Variants in PRKCB observed in about 807,000 individuals in gnomAD.
The protein encoded by PRKCB is protein kinase C beta type.
A neutral mutation model predicts 81.5 loss-of-function variants in PRKCB; 13 were observed. The ratio of observed to expected loss-of-function variants is 0.16; its 90% CI spans 0.10 to 0.25. The LOEUF (loss-of-function observed/expected upper bound fraction) is 0.25, where lower values mean the gene tolerates loss of function less well. Among genes scored for constraint, PRKCB ranks in the 10% least tolerant of loss-of-function variants. The pLI is 1.00. For missense variants in PRKCB, 509 were observed against 875.7 expected (o/e 0.58, Z 5.29); for synonymous variants, 335 against 321.4 (o/e 1.04, Z -0.45).
chr16:24,178,793 C>A (rs937336087), intron 12 of PRKCB, among the ~76,000 whole-genome samples: 1 of 152,154 alleles, frequency 6.6e-6, no homozygotes, highest in Non-Finnish European at 1.5e-5. Context: ...CCCACAGACA[C>A]AGATAGGAGA....
At chr16:23,865,407 A>T (rs1422749554) in intron 2 of PRKCB, among the ~76,000 whole-genome samples, 1 of 135,522 alleles carries the variant, frequency 7.4e-6, no homozygotes, top group Non-Finnish European at 1.6e-5. Flanking sequence ...GGCTCAGGTG[A>T]TCCTCCCACC....
At chr16:23,888,750 C>T (rs368085122) in intron 2 of PRKCB, among the ~76,000 whole-genome samples, 44 of 152,278 alleles carry the variant, frequency 2.9e-4, no homozygotes, top group African/African-American at 9.9e-4. Context: ...ATCCCTTCCT[C>T]ATCTGCCAGG....
intron 4 of PRKCB, 34 bp from the exon 5 acceptor site, chr16:24,035,385 G>T: frequency 2.5e-6 from 4 of 1,608,464 alleles, no homozygotes; most frequent in East Asian, 2.2e-5. Flanking sequence ...GCCTGGGCCA[G>T]CCTAAGCCAC....
Position 24,005,032 on chromosome 16 carries a change from A to G in PRKCB, c.288+16442A>G, listed in dbSNP as rs375802825. Among the ~76,000 whole-genome samples, 17 of 152,322 alleles carry G rather than the reference A, an allele frequency of 1.1e-4. No individual in the cohort carries two copies. The East Asian group carries it at 3.3e-3, about 29-fold the overall frequency. On this transcript the variant is annotated intron_variant, in intron 3 of 16. Transcript: ENST00000643927. ...ATGCTGGCCAGTGATTCAGTGTCAC[A>G]GTGTCTGGGGATAAGGGGAATGTTC...
intron 2 of PRKCB, among the ~76,000 whole-genome samples, chr16:23,936,850 A>G (rs563353885): frequency 1.3e-5 from 2 of 152,266 alleles, no homozygotes; most frequent in East Asian, 1.9e-4. Context: ...AGTGTGGCCA[A>G]TGCATCACTT....
At chr16:23,853,080 G>A (rs1457008235) in intron 2 of PRKCB, among the ~76,000 whole-genome samples, 1 of 152,204 alleles carries the variant, frequency 6.6e-6, no homozygotes, top group Admixed American at 6.5e-5. Flanking sequence ...GTTCAACAAG[G>A]AAGCCAGGGC....
chr16:24,213,577 A>G (rs1224510299), intron 16 of PRKCB, among the ~76,000 whole-genome samples: 6 of 152,246 alleles, frequency 3.9e-5, no homozygotes, highest in Admixed American at 3.9e-4. Context: ...GTATATAGCA[A>G]ATGCATAATA....
At chr16:24,077,026 G>T (rs1469418075) in intron 5 of PRKCB, among the ~76,000 whole-genome samples, 2 of 152,174 alleles carry the variant, frequency 1.3e-5, no homozygotes, top group Non-Finnish European at 2.9e-5. Flanking sequence ...GCTCCCCTGG[G>T]ATCCTCCTTG....
chr16:23,993,211 T>C (rs1964911605), intron 3 of PRKCB, among the ~76,000 whole-genome samples: 1 of 152,130 alleles, frequency 6.6e-6, no homozygotes, highest in South Asian at 2.1e-4. Flanking sequence ...ATAGGGAATA[T>C]GCATGGGAAT....
At chr16:24,207,770 G>A (rs1968069660) in intron 16 of PRKCB, among the ~76,000 whole-genome samples, 1 of 152,206 alleles carries the variant, frequency 6.6e-6, no homozygotes, top group Admixed American at 6.5e-5. Flanking sequence ...ACCTCGTGGA[G>A]GAAGTGACAC....
At chr16:23,905,197 G>A (rs1021186828) in intron 2 of PRKCB, among the ~76,000 whole-genome samples, 4 of 152,026 alleles carry the variant, frequency 2.6e-5, no homozygotes, top group African/African-American at 9.7e-5. Context: ...GAGCTGAGCT[G>A]GCGAGGAATG....
intron 1 of PRKCB, 62 bp downstream of exon 1, chr16:23,836,410 C>T: frequency 6.5e-7 from 1 of 1,542,748 alleles, no homozygotes; most frequent in Non-Finnish European, 8.7e-7. Context: ...GCCAGGGACC[C>T]CCTCTCCGCG....
intron 2 of PRKCB, among the ~76,000 whole-genome samples, chr16:23,898,652 T>C (rs576709256): frequency 8.5e-5 from 13 of 152,150 alleles, no homozygotes; most frequent in Non-Finnish European, 1.6e-4. Flanking sequence ...TAGGTGAAGA[T>C]TGGCAGAAAA....
intron 2 of PRKCB, among the ~76,000 whole-genome samples, chr16:23,920,454 C>T (rs1387526706): frequency 6.6e-6 from 1 of 152,236 alleles, no homozygotes; most frequent in Non-Finnish European, 1.5e-5. Context: ...TTTCTGGAAG[C>T]AGTCAGCAGG....
intron 5 of PRKCB, among the ~76,000 whole-genome samples, chr16:24,090,990 CT>C (rs1291038588): frequency 6.6e-6 from 1 of 152,142 alleles, no homozygotes; most frequent in East Asian, 1.9e-4. Flanking sequence ...TCCCTATGGG[CT>C]GTCTGGGTGC....
intron 1 of PRKCB, among the ~76,000 whole-genome samples, chr16:23,836,738 G>A (rs555429279): frequency 1.5e-4 from 22 of 149,882 alleles, no homozygotes; most frequent in African/African-American, 4.9e-4. Flanking sequence ...TTCCGGGCGC[G>A]AGGAGCCCTC....
intron 15 of PRKCB, among the ~76,000 whole-genome samples, chr16:24,187,805 A>G (rs1967728426): frequency 6.6e-6 from 1 of 152,100 alleles, no homozygotes; most frequent in African/African-American, 2.4e-5. Context: ...CTGCCTCCCA[A>G]AGTGCTGGGA....
chr16:24,144,520 C>T (rs1308052467), intron 9 of PRKCB, among the ~76,000 whole-genome samples: 1 of 152,134 alleles, frequency 6.6e-6, no homozygotes, highest in East Asian at 1.9e-4. Flanking sequence ...AGGCTGGTCT[C>T]GAAATCCTGA....
chr16:23,975,456 G>A (rs1198095762), intron 2 of PRKCB, among the ~76,000 whole-genome samples: 1 of 152,114 alleles, frequency 6.6e-6, no homozygotes, highest in Non-Finnish European at 1.5e-5. Context: ...TTGCATCAGC[G>A]AGGTGGATGT....
Sources: allele counts gnomAD v4.1 joint callset (sites outside exome capture counted in the v4.1 genomes callset), GRCh38; gene constraint gnomAD v4.1.1; transcripts MANE v1.5; gene names NCBI Gene and HGNC (gene_info 2026-07-23, HGNC 2026-07-21).